The following MYO10 variants were observed in gnomAD, a reference collection of about 807,000 sequenced individuals.
MYO10 encodes unconventional myosin-X.
A neutral mutation model predicts 257.3 loss-of-function variants in MYO10; 133 were observed. The observed-to-expected ratio is 0.52, with a 90% CI of 0.45 to 0.60. MYO10 has a LOEUF of 0.60. MYO10 is among the 20% of genes least tolerant of loss of function. MYO10 has a pLI of 0.00. For missense variants in MYO10, 2,399 were observed against 2,635.7 expected, an observed-to-expected ratio of 0.91 and a Z score of 1.97; for synonymous variants, 1,104 against 1,028.6, an observed-to-expected ratio of 1.07 and a Z score of -1.40.
At chr5:16,677,338 AAAATTATATTTACTCTTTTAATGTCT>A (rs1286682393) in intron 33 of MYO10, among the ~76,000 whole-genome samples, 1 of 151,898 alleles carries the variant, frequency 6.6e-6, no homozygotes, top group African/African-American at 2.4e-5. Context: ...TTGTATTTGA[AAAATTATATTTACTCTTTTAATGTCT>A]AAATTCAAAT....
chr5:16,701,932 T>C lies in MYO10; in HGVS notation c.2557-94A>G. 6 of 1,383,108 alleles carry C rather than the reference T, an allele frequency of 4.3e-6. No homozygotes were observed. Among genetic ancestry groups the C allele is most frequent in the Non-Finnish European group, 5.8e-6 (6 of 1,032,300 alleles). The allele number at this position is 1,383,108 out of a possible 1,614,324, so 85.7% of individuals were successfully genotyped here. On this transcript the variant is annotated intron_variant, in intron 24 of 40. Coordinates refer to ENST00000513610, the MANE Select transcript of MYO10 (RefSeq NM_012334.3). The surrounding 1 kb of genome is among the most constrained non-coding windows in gnomAD (Gnocchi z 8.1). ...CAACCAGGATGAAATATGGTCATTA[T>C]GAGTTGGACTGTGTCCCCATAAAGT...
chr5:16,741,731 A>G lies in MYO10; in HGVS notation c.1929+13097T>C, dbSNP rs373013703. 1.9e-4 allele frequency: 168 copies of G among 907,382 alleles called. No individual in the cohort carries two copies. In the Middle Eastern group the frequency reaches 2.8e-3, roughly 15 times the overall value. 56.2% of individuals were successfully genotyped at this position (907,382 alleles called of 1,614,324 possible). A position where few individuals can be genotyped will look rare whatever the true frequency, so the allele number is the denominator to read the frequency against. On this transcript the variant is annotated intron_variant, in intron 19 of 40. Transcript: ENST00000513610. ...TCTGTTCCCCGTGTATGATCTCTGC[A>G]GTTTTACAATACCATCATCATGGCA...
intron 2 of MYO10, chr5:16,853,866 C>G (rs1743884685): frequency 6.6e-6 from 1 of 152,234 alleles, no homozygotes; most frequent in Non-Finnish European, 1.5e-5. Context: ...AGAACCCTTT[C>G]CCTGAGCTCC....
rs899690733 is a variant in MYO10 at position 16,665,915 on chromosome 5, A to G, written c.*777T>C. On this transcript the variant is annotated 3_prime_UTR_variant, in exon 41 of 41. Coordinates refer to ENST00000513610, the MANE Select transcript of MYO10 (RefSeq NM_012334.3). ...AACACGTGTTTTTCAAAATACAGCA[A>G]AGACAGGAAAATCCAGGATTTGGGT... 6.5e-6 allele frequency: 1 copy of G among 152,674 alleles called. No homozygotes were observed. The highest frequency in any genetic ancestry group is 2.4e-5 in the African/African-American group (1 of 41,470). The allele number at this position is 152,674 out of a possible 1,614,324, so 9.5% of individuals were successfully genotyped here.
At position 16,701,018 on chromosome 5, in the gene MYO10, C is replaced by T; in HGVS notation, c.3377G>A (p.Gly1126Glu). Residue 1126 changes from glycine to glutamate, a missense_variant, in exon 25 of 41, where the codon GGG (glycine) becomes GAG (glutamate). By Grantham distance (98) the Gly-to-Glu change is moderately conservative. Transcript: ENST00000513610. This position sits in a 1 kb window ranked among gnomAD's most constrained non-coding sequence, Gnocchi z 8.1. ...QWSPDYRCSV[G>E]TYNSSGAYRF... ...GTAGGCACCCGAGCTGTTGTAGGTC[C>T]CCACAGAGCAGCGGTAGTCGGGGGA... is the stretch of plus-strand genomic sequence containing the variant. 2.6e-6 allele frequency: 4 copies of T among 1,562,324 alleles called. No homozygotes were observed. In the South Asian group the frequency reaches 3.5e-5, roughly 14 times the overall value.
chr5:16,893,235 A>AC (rs58941378), intron 1 of MYO10, among the ~76,000 whole-genome samples: 1 of 148,824 alleles, frequency 6.7e-6, no homozygotes, highest in Non-Finnish European at 1.5e-5. Flanking sequence ...ATTACAAGCT[A>AC]CCCCCAACAG....
Position 16,815,033 on chromosome 5 carries a change from A to C in MYO10, c.279+2976T>G, listed in dbSNP as rs200850770. 4.9e-4 allele frequency: 78 copies of C among 158,114 alleles called. No homozygotes were observed. The East Asian group carries it at 0.014, about 28-fold the overall frequency. The allele number at this position is 158,114 out of a possible 1,614,324, so 9.8% of individuals were successfully genotyped here. A position where few individuals can be genotyped will look rare whatever the true frequency, so the allele number is the denominator to read the frequency against. Reference sequence around the variant, plus strand: ...TTCTTGACTATTGAAAATGTACAATAACAACTTGTGTCTAGGTGGGCATGC... The same window carrying C: ...TTCTTGACTATTGAAAATGTACAATCACAACTTGTGTCTAGGTGGGCATGC... On this transcript the variant is annotated intron_variant, in intron 3 of 40. Coordinates refer to ENST00000513610, the MANE Select transcript of MYO10 (RefSeq NM_012334.3).
At chr5:16,885,082 C>T (rs1744859314) in intron 1 of MYO10, among the ~76,000 whole-genome samples, 1 of 152,116 alleles carries the variant, frequency 6.6e-6, no homozygotes, top group Non-Finnish European at 1.5e-5. Context: ...AGAAAGCAGC[C>T]TCTGCAGTCT....
At chr5:16,827,845 C>T (rs888407476) in intron 2 of MYO10, among the ~76,000 whole-genome samples, 1 of 152,078 alleles carries the variant, frequency 6.6e-6, no homozygotes, top group Non-Finnish European at 1.5e-5. Flanking sequence ...TCATTTGATC[C>T]TCAGATGGGG....
intron 3 of MYO10, among the ~76,000 whole-genome samples, chr5:16,806,422 G>C (rs887925962): frequency 6.6e-6 from 1 of 151,576 alleles, no homozygotes; most frequent in African/African-American, 2.4e-5. Flanking sequence ...AGAGGCGGGC[G>C]GATCACGAGG....
intron 1 of MYO10, among the ~76,000 whole-genome samples, chr5:16,892,083 T>C (rs776695552): frequency 6.6e-6 from 1 of 152,142 alleles, no homozygotes; most frequent in Non-Finnish European, 1.5e-5. Context: ...GCCAGACTTA[T>C]TGCTCCGTTG....
intron 17 of MYO10, 68 bp downstream of exon 17, chr5:16,761,396 G>T: frequency 1.6e-6 from 2 of 1,255,090 alleles, no homozygotes; most frequent in South Asian, 1.2e-5. Flanking sequence ...CTATATTTGT[G>T]AATTAAAAGC....
At chr5:16,708,792 G>A (rs533692458) in intron 21 of MYO10, among the ~76,000 whole-genome samples, 2 of 152,158 alleles carry the variant, frequency 1.3e-5, no homozygotes, top group South Asian at 4.1e-4. Flanking sequence ...CAGACTCCTG[G>A]GCTCAAGCGA....
intron 10 of MYO10, among the ~76,000 whole-genome samples, chr5:16,766,523 G>A (rs1336347348): frequency 1.3e-5 from 2 of 151,752 alleles, no homozygotes; most frequent in African/African-American, 2.4e-5. Context: ...TCTGCCTCCC[G>A]GGTTCACGCC....
intron 3 of MYO10, among the ~76,000 whole-genome samples, chr5:16,796,216 A>AGC (rs371567809): frequency 1.7e-5 from 2 of 119,876 alleles, no homozygotes; most frequent in East Asian, 2.4e-4. Context: ...AAGAACAGAG[A>AGC]GAGAGCGAGA....
chr5:16,674,561 A>C (rs994340277), intron 35 of MYO10, among the ~76,000 whole-genome samples: 1 of 133,064 alleles, frequency 7.5e-6, no homozygotes, highest in African/African-American at 3.1e-5. Flanking sequence ...ACAAATATCC[A>C]AGTTTTTTTT....
At chr5:16,729,634 T>C (rs1196962775) in intron 19 of MYO10, among the ~76,000 whole-genome samples, 1 of 151,992 alleles carries the variant, frequency 6.6e-6, no homozygotes, top group South Asian at 2.1e-4. Context: ...TTAGTAGAGA[T>C]GGGGTTTCAC....
At chr5:16,750,552 C>T (rs1186775016) in intron 19 of MYO10, among the ~76,000 whole-genome samples, 1 of 152,132 alleles carries the variant, frequency 6.6e-6, no homozygotes, top group African/African-American at 2.4e-5. Context: ...AGGGGGTGTG[C>T]TCCCACTAGC....
chr5:16,676,367 G>A (rs367849485), intron 33 of MYO10, among the ~76,000 whole-genome samples: 131 of 152,220 alleles, frequency 8.6e-4, no homozygotes, highest in African/African-American at 2.7e-3. Context: ...TTTCTCGTGC[G>A]TGTACTTCCC....
Sources: gnomAD v4.1 joint callset for allele counts (sites outside exome capture counted in the v4.1 genomes callset) on GRCh38, gnomAD v4.1.1 for gene constraint, Gnocchi (gnomAD v3.1) non-coding constraint, MANE v1.5 for transcripts, NCBI Gene and HGNC (gene_info 2026-07-23, HGNC 2026-07-21) for gene names.